TLN1: variants seen among roughly 807,000 people sequenced by gnomAD.
The protein encoded by TLN1 is talin-1.
TLN1 carries 56 observed loss-of-function variants against 292.3 expected under a neutral mutation model. That is an observed-to-expected ratio of 0.19 (90% CI 0.15 to 0.24). The LOEUF (loss-of-function observed/expected upper bound fraction) is 0.24. TLN1 is among the 10% of genes least tolerant of loss of function. TLN1 has a pLI of 1.00. For missense variants in TLN1, 2,433 were observed against 3,248.2 expected, an observed-to-expected ratio of 0.75 and a Z score of 6.10; for synonymous variants, 1,119 against 1,253.7, an observed-to-expected ratio of 0.89 and a Z score of 2.27.
At chr9:35,716,190 TAAAAAAAAAAAA>T (rs11443679) in intron 20 of TLN1, among the ~76,000 whole-genome samples, 188 bp downstream of exon 20, 1 of 112,428 alleles carries the variant, frequency 8.9e-6, no homozygotes, top group Non-Finnish European at 1.8e-5. Context: ...ACCACATCTT[TAAAAAAAAAAAA>T]AAAAAAAAAG....
At chr9:35,722,010 C>CT in intron 9 of TLN1, 109 bp downstream of exon 9, 1 of 1,213,784 alleles carries the variant, frequency 8.2e-7, no homozygotes, top group East Asian at 2.3e-5. Flanking sequence ...GAATGGGAAT[C>CT]TTAGGGAATG....
At chr9:35,729,559 ACT>A (rs1485931146) in intron 1 of TLN1, among the ~76,000 whole-genome samples, 1 of 152,202 alleles carries the variant, frequency 6.6e-6, no homozygotes, top group Non-Finnish European at 1.5e-5. Context: ...TAGAAAAATA[ACT>A]CTGGCAGTTA....
At position 35,712,956 on chromosome 9, in the gene TLN1, A is replaced by G; in HGVS notation, c.3440T>C (p.Val1147Ala). The G allele has an allele frequency of 1.2e-6, 2 of 1,610,766 alleles. No individual in the cohort carries two copies. Among genetic ancestry groups the G allele is most frequent in the Non-Finnish European group, 1.7e-6 (2 of 1,178,896 alleles). Residue 1147 changes from valine to alanine, a missense_variant, in exon 27 of 57, where the codon GTG becomes GCG. By Grantham distance (64) the Val-to-Ala change is moderately conservative (BLOSUM62 0). Around this residue, in one of 7 missense-constraint regions of TLN1, gnomAD observed 1,384 missense variants for 1,699.6 expected, o/e 0.81. Transcript: ENST00000314888. ...GVAALTSDPA[V>A]QAIVLDTASD... ...GGCCGTATCAAGTACAATGGCCTGC[A>G]CTGCAGGATCTGACGTCAGTGCAGC...
chr9:35,722,837 A>G, intron 8 of TLN1, 24 bp downstream of exon 8: 1 of 1,612,810 alleles, frequency 6.2e-7, no homozygotes, highest in Non-Finnish European at 8.5e-7. Context: ...GTCATCCCAA[A>G]TACTTTCCCC....
intron 33 of TLN1, among the ~76,000 whole-genome samples, chr9:35,709,617 G>T (rs561798808): frequency 6.6e-6 from 1 of 152,214 alleles, no homozygotes; most frequent in East Asian, 1.9e-4. Flanking sequence ...GGCCGGGCGC[G>T]GTGGCTCACG....
chr9:35,697,794 G>C lies in TLN1; in HGVS notation c.7623C>G (p.His2541Gln). The C allele has an allele frequency of 6.2e-7, 1 of 1,614,100 alleles. No individual in the cohort carries two copies. The highest frequency in any genetic ancestry group is 8.5e-7 in the Non-Finnish European group (1 of 1,180,034). The change falls in exon 57 of 57, where the codon CAC becomes CAG. Residue 2541 changes from histidine (H) to glutamine (Q), a missense_variant. Transcript: ENST00000314888. ...KFLPSELRDE[H>Q] ...GCATTAAATAGAAGAGGCTTCTTTA[G>C]TGCTCATCTCGAAGCTCTGAAGGCA...
chr9:35,701,519 T>G (rs1825466884), intron 48 of TLN1, among the ~76,000 whole-genome samples: 1 of 152,174 alleles, frequency 6.6e-6, no homozygotes, highest in African/African-American at 2.4e-5. Context: ...GATCCTCCCA[T>G]CTCAGTCTTC....
In TLN1 at chr9:35,719,188, C is replaced by T; in HGVS notation, c.1782G>A (p.Leu594=). ...LTEMSRGVKL[L]AALLEDEGGS... ...CGCCTTCGTCCTCCAGCAAGGCAGC[C>T]AGCAGCTTCACCCCACGGGACATCT... is the stretch of plus-strand genomic sequence containing the variant. Residue 594 remains leucine (L), a synonymous_variant, in exon 16 of 57, where the codon CTG becomes CTA. Transcript: ENST00000314888. This position sits in a 1 kb window ranked among gnomAD's most constrained non-coding sequence, Gnocchi z 4.6. 3.1e-6 allele frequency: 5 copies of T among 1,614,202 alleles called. No individual in the cohort carries two copies. Among genetic ancestry groups the T allele is most frequent in the Non-Finnish European group, 4.2e-6 (5 of 1,180,022 alleles).
At chr9:35,723,762 A>T in intron 7 of TLN1, 190 bp downstream of exon 7, 1 of 775,102 alleles carries the variant, frequency 1.3e-6, no homozygotes, top group Non-Finnish European at 2.1e-6. Context: ...ATACTGAACT[A>T]CATTCATATT....
In TLN1 at chr9:35,732,140, G is replaced by T; in HGVS notation, c.-99C>A. The stretch of plus-strand genomic sequence containing the variant: ...CCCCGCCGCTTCTCGGGTCGCCCTC[G>T]GGCTCCGGCCTCGCCCTCCCTTCGA... On this transcript the variant is annotated 5_prime_UTR_variant, in exon 1 of 57. Coordinates refer to ENST00000314888, the MANE Select transcript of TLN1 (RefSeq NM_006289.4). This position sits in a 1 kb window ranked among gnomAD's most constrained non-coding sequence, Gnocchi z 5.1. The T allele has an allele frequency of 6.5e-6, 1 of 153,728 alleles. No individual in the cohort carries two copies. The highest frequency in any genetic ancestry group is 1.8e-4 in the South Asian group (1 of 5,632). The allele number at this position is 153,728 out of a possible 1,614,324, so 9.5% of individuals were successfully genotyped here. A position where few individuals can be genotyped will look rare whatever the true frequency, so the allele number is the denominator to read the frequency against.
chr9:35,711,578 C>A lies in TLN1; in HGVS notation c.3879+17G>T, dbSNP rs751330735. On this transcript the variant is annotated intron_variant, in intron 29 of 56. Coordinates refer to ENST00000314888, the MANE Select transcript of TLN1 (RefSeq NM_006289.4). The stretch of plus-strand genomic sequence containing the variant: ...CTTAGTGGGAACCATTCAACCAGAC[C>A]CTCTGCCTCTTCATACCGGAGCCTG... 2 of 1,613,246 alleles carry A rather than the reference C, an allele frequency of 1.2e-6. No individual in the cohort carries two copies. Among genetic ancestry groups the A allele is most frequent in the Non-Finnish European group, 1.7e-6 (2 of 1,180,024 alleles).
chr9:35,721,400 C>T lies in TLN1; in HGVS notation c.1104+248G>A, dbSNP rs77126892. On this transcript the variant is annotated intron_variant, in intron 10 of 56. Transcript: ENST00000314888. Reference sequence around the variant, plus strand: ...TTATCACATTTTTCCTTTCACCACACCTACAAGAATTCCTGTGATCTCAGC... The same window carrying T: ...TTATCACATTTTTCCTTTCACCACATCTACAAGAATTCCTGTGATCTCAGC... Among the ~76,000 whole-genome samples the T allele has an allele frequency of 2.9e-3, 444 of 152,298 alleles. 2 individuals carry two copies. Among genetic ancestry groups the T allele is most frequent in the African/African-American group, 0.01 (416 of 41,542 alleles).
chr9:35,715,414 G>A (rs1292135238), intron 20 of TLN1, among the ~76,000 whole-genome samples: 1 of 152,246 alleles, frequency 6.6e-6, no homozygotes, highest in Non-Finnish European at 1.5e-5. Context: ...CCTTTCTTAA[G>A]GTGGAATTGT....
intron 26 of TLN1, 71 bp downstream of exon 26, chr9:35,713,125 A>T: frequency 6.4e-7 from 1 of 1,570,982 alleles, no homozygotes; most frequent in Non-Finnish European, 8.7e-7. Context: ...TGTCAGTCCC[A>T]TCCCTCATCC....
At chr9:35,721,011 T>G in intron 10 of TLN1, 98 bp from the exon 11 acceptor site, 1 of 854,250 alleles carries the variant, frequency 1.2e-6, no homozygotes, top group Non-Finnish European at 1.9e-6. Flanking sequence ...ATGAGATGCC[T>G]TCCCGTGGCA....
In TLN1 at chr9:35,725,547, C is replaced by CG; in HGVS notation, c.130+17dup. 1.2e-6 allele frequency: 2 copies of CG among 1,608,786 alleles called. No homozygotes were observed. Among genetic ancestry groups the CG allele is most frequent in the Non-Finnish European group, 1.7e-6 (2 of 1,176,496 alleles). On this transcript the variant is annotated intron_variant, in intron 2 of 56. Transcript: ENST00000314888. ...GACTGAAGACTCCCACTCCAGCCAC[C>CG]GGGGGAGTCAGACTCACGAGGACCA...
chr9:35,706,664 A>C lies in TLN1; in HGVS notation c.5088+104T>G. The C allele has an allele frequency of 6.3e-7, 1 of 1,582,870 alleles. No homozygotes were observed. The highest frequency in any genetic ancestry group is 8.6e-7 in the Non-Finnish European group (1 of 1,162,294). On this transcript the variant is annotated intron_variant, in intron 38 of 56. Coordinates refer to ENST00000314888, the MANE Select transcript of TLN1 (RefSeq NM_006289.4). The surrounding 1 kb of genome is among the most constrained non-coding windows in gnomAD (Gnocchi z 4.2). ...ACCCTAACCCTCCTTCGCACATCCCAGCCTTTGATGTCCCTAAGAAGCCAC... is the reference window on the plus strand; with the variant it reads ...ACCCTAACCCTCCTTCGCACATCCCCGCCTTTGATGTCCCTAAGAAGCCAC...
chr9:35,717,017 T>G lies in TLN1; in HGVS notation c.2458+129A>C. 1 of 1,021,144 alleles carries G rather than the reference T, an allele frequency of 9.8e-7. No individual in the cohort carries two copies. Among genetic ancestry groups the G allele is most frequent in the Non-Finnish European group, 1.4e-6 (1 of 708,274 alleles). The allele number at this position is 1,021,144 out of a possible 1,614,324, so 63.3% of individuals were successfully genotyped here. On this transcript the variant is annotated intron_variant, in intron 19 of 56. Coordinates refer to ENST00000314888, the MANE Select transcript of TLN1 (RefSeq NM_006289.4). This position sits in a 1 kb window ranked among gnomAD's most constrained non-coding sequence, Gnocchi z 4.7. ...AGCTTTAATGATGAGCCTATGGTTG[T>G]GTGGCTGGCAAGCCCACACTGTGCT...
intron 27 of TLN1, among the ~76,000 whole-genome samples, 187 bp downstream of exon 27, chr9:35,712,648 C>CA (rs1282155556): frequency 0.3 from 21,341 of 71,806 alleles, 2,576 homozygotes; most frequent in Middle Eastern, 0.39. Context: ...AACTCTGTCT[C>CA]AAAAAAAAAA....
Sources: allele counts gnomAD v4.1 joint callset (sites outside exome capture counted in the v4.1 genomes callset), GRCh38; gene constraint gnomAD v4.1.1; regional missense constraint gnomAD v4.1.1; non-coding constraint Gnocchi (gnomAD v3.1); transcripts MANE v1.5; gene names NCBI Gene and HGNC (gene_info 2026-07-23, HGNC 2026-07-21).